DGKB: variants seen among roughly 807,000 people sequenced by gnomAD.
DGKB encodes 90 kDa diacylglycerol kinase.
Under a neutral mutation model 114.3 loss-of-function variants are expected in DGKB, and 67 were observed. The ratio of observed to expected loss-of-function variants is 0.59; its 90% CI spans 0.48 to 0.72. The LOEUF (loss-of-function observed/expected upper bound fraction) is 0.72, where lower values mean the gene tolerates loss of function less well. DGKB is among the 30% of genes least tolerant of loss of function. The pLI is 0.00. For missense variants in DGKB, 907 were observed against 975.2 expected (o/e 0.93, Z 0.93); for synonymous variants, 398 against 323.1 (o/e 1.23, Z -2.49).
At chr7:14,617,544 C>G (rs980621625) in intron 15 of DGKB, among the ~76,000 whole-genome samples, 5 of 151,700 alleles carry the variant, frequency 3.3e-5, no homozygotes, top group Non-Finnish European at 7.4e-5. Context: ...ACAATCTAAT[C>G]TTTATAAGAG....
intron 21 of DGKB, among the ~76,000 whole-genome samples, chr7:14,438,658 C>A (rs171926): frequency 0.8 from 121,192 of 151,974 alleles, 49,676 homozygotes; most frequent in Non-Finnish European, 0.91. Context: ...CTATAGATAA[C>A]AGCATAGTTA....
intron 21 of DGKB, among the ~76,000 whole-genome samples, chr7:14,472,772 G>A (rs1464454596): frequency 2.0e-5 from 3 of 152,144 alleles, no homozygotes; most frequent in African/African-American, 7.2e-5. Flanking sequence ...GGAACTGGTT[G>A]GGAACTGGAG....
At chr7:14,557,431 G>C (rs769034800) in intron 20 of DGKB, among the ~76,000 whole-genome samples, 9 of 151,920 alleles carry the variant, frequency 5.9e-5, no homozygotes, top group Admixed American at 1.3e-4. Context: ...TTTTTTAGGG[G>C]AGAAAAAAGC....
At chr7:14,838,270 A>G (rs527417896) in intron 2 of DGKB, among the ~76,000 whole-genome samples, 1 of 152,298 alleles carries the variant, frequency 6.6e-6, no homozygotes, top group South Asian at 2.1e-4. Flanking sequence ...CTTCTAATCA[A>G]TTCAAATGGA....
chr7:14,834,817 G>A (rs1468916964), intron 2 of DGKB, among the ~76,000 whole-genome samples: 1 of 152,104 alleles, frequency 6.6e-6, no homozygotes, highest in Non-Finnish European at 1.5e-5. Context: ...GGACTCAAAT[G>A]GATTTTTTGG....
At chr7:14,739,211 C>T (rs969780583) in intron 4 of DGKB, among the ~76,000 whole-genome samples, 6 of 152,162 alleles carry the variant, frequency 3.9e-5, no homozygotes, top group African/African-American at 1.2e-4. Context: ...GGGAAGGTCC[C>T]CGGAGAACCT....
chr7:14,311,547 T>C (rs1347128248), intron 23 of DGKB, among the ~76,000 whole-genome samples: 4 of 152,098 alleles, frequency 2.6e-5, no homozygotes, highest in Non-Finnish European at 4.4e-5. Context: ...CTCAGTCTCC[T>C]GAATAGCTGG....
intron 13 of DGKB, among the ~76,000 whole-genome samples, chr7:14,637,616 G>T (rs1003006079): frequency 6.6e-6 from 1 of 150,578 alleles, no homozygotes; most frequent in Non-Finnish European, 1.5e-5. Context: ...CTATATATGT[G>T]TATATACACA....
At position 14,921,446 on chromosome 7, in the gene DGKB, G is replaced by A. The variant is rs137876732; in HGVS notation, c.-188+53250C>T. ...TAAAAGGTGATGTCTATACCAAACC[G>A]AACATCATTAGAAAAATAACATAAC... On this transcript the variant is annotated intron_variant, in intron 1 of 4. Coordinates refer to the DGKB transcript ENST00000437998. Among the ~76,000 whole-genome samples the A allele has an allele frequency of 2.9e-3, 440 of 152,208 alleles. 1 individual carries two copies. Among genetic ancestry groups the A allele is most frequent in the Non-Finnish European group, 4.9e-3 (334 of 68,004 alleles).
intron 1 of DGKB, among the ~76,000 whole-genome samples, chr7:14,908,596 C>T (rs945148080): frequency 6.6e-6 from 1 of 152,086 alleles, no homozygotes; most frequent in African/African-American, 2.4e-5. Flanking sequence ...AGAAGAATGC[C>T]TTAAGATAAA....
chr7:14,259,490 G>C (rs1796449887), intron 23 of DGKB, among the ~76,000 whole-genome samples: 1 of 151,546 alleles, frequency 6.6e-6, no homozygotes, highest in Admixed American at 6.6e-5. Context: ...GCGGTGGCGT[G>C]ATCTCGGCTC....
chr7:14,579,759 G>T (rs895950194), intron 19 of DGKB, among the ~76,000 whole-genome samples: 1 of 151,808 alleles, frequency 6.6e-6, no homozygotes, highest in Non-Finnish European at 1.5e-5. Flanking sequence ...CAACTTTGCC[G>T]TAAATCAGAG....
chr7:14,297,539 T>A (rs1484577296), intron 23 of DGKB, among the ~76,000 whole-genome samples: 1 of 152,136 alleles, frequency 6.6e-6, no homozygotes, highest in South Asian at 2.1e-4. Flanking sequence ...AAAGTAGATA[T>A]TGATGAAACG....
intron 1 of DGKB, among the ~76,000 whole-genome samples, chr7:14,859,005 G>C (rs1366319694): frequency 6.6e-6 from 1 of 152,132 alleles, no homozygotes; most frequent in Non-Finnish European, 1.5e-5. Flanking sequence ...GGGAAGCATA[G>C]AGGTGAAAGT....
chr7:14,631,099 T>C (rs1585209391), intron 13 of DGKB, among the ~76,000 whole-genome samples: 1 of 151,708 alleles, frequency 6.6e-6, no homozygotes, highest in South Asian at 2.1e-4. Context: ...TTTGTGTCCC[T>C]GAAAAGAAGG....
At chr7:14,615,425 A>C (rs1210022596) in intron 15 of DGKB, among the ~76,000 whole-genome samples, 4 of 151,888 alleles carry the variant, frequency 2.6e-5, no homozygotes. Context: ...ATAAATTGTC[A>C]AGTAAAGGGG....
rs1786306082 is a variant in DGKB, at chr7:14,203,824, G to A, written c.2123-25673C>T. Among the ~76,000 whole-genome samples, 4 of 151,968 alleles carry A rather than the reference G, an allele frequency of 2.6e-5. No individual in the cohort carries two copies. In the South Asian group the frequency reaches 8.3e-4, roughly 31 times the overall value. On this transcript the variant is annotated intron_variant, in intron 23 of 25. Coordinates refer to ENST00000402815, the MANE Select transcript of DGKB (RefSeq NM_001350709.2). ...ATGAGATATATTTTGGTGACCATTG[G>A]AAGGATGTCCAGTTTTCACCTACTT...
At chr7:14,869,483 A>G (rs1852154388) in intron 1 of DGKB, among the ~76,000 whole-genome samples, 3 of 152,182 alleles carry the variant, frequency 2.0e-5, no homozygotes, top group Non-Finnish European at 2.9e-5. Context: ...ATTTTTACAA[A>G]AGTGTTTAAA....
At chr7:14,594,573 T>C (rs896241464) in intron 17 of DGKB, among the ~76,000 whole-genome samples, 4 of 152,138 alleles carry the variant, frequency 2.6e-5, no homozygotes, top group Admixed American at 6.6e-5. Context: ...ATATATTTTA[T>C]GGTCCAAATT....
Sources: gnomAD v4.1 joint callset for allele counts (sites outside exome capture counted in the v4.1 genomes callset) on GRCh38, gnomAD v4.1.1 for gene constraint, MANE v1.5 for transcripts, NCBI Gene and HGNC (gene_info 2026-07-23, HGNC 2026-07-21) for gene names.